EXOC2: variants seen among roughly 807,000 people sequenced by gnomAD.
The protein encoded by EXOC2 is SEC5-like 1.
Under a neutral mutation model 131.8 loss-of-function variants are expected in EXOC2, and 70 were observed. The observed-to-expected ratio is 0.53, with a 90% CI of 0.44 to 0.65. EXOC2 has a LOEUF of 0.65. EXOC2 is among the 30% of genes least tolerant of loss of function. The pLI is 0.00. For missense variants in EXOC2, 923 were observed against 1,108.6 expected (o/e 0.83, Z 2.38); for synonymous variants, 411 against 398.4 (o/e 1.03, Z -0.38).
intron 17 of EXOC2, among the ~76,000 whole-genome samples, chr6:560,430 T>C (rs973216480): frequency 2.0e-5 from 3 of 152,250 alleles, no homozygotes; most frequent in African/African-American, 7.2e-5. Flanking sequence ...TAAGAAATCT[T>C]AGATTTACCG....
At chr6:543,930 G>A (rs1003935118) in intron 22 of EXOC2, among the ~76,000 whole-genome samples, 4 of 152,172 alleles carry the variant, frequency 2.6e-5, no homozygotes, top group Non-Finnish European at 5.9e-5. Flanking sequence ...TAAAGAATCT[G>A]GGAATCATGG....
In EXOC2 at chr6:691,761, T is replaced by C. The variant is rs562520471; in HGVS notation, c.-44+1258A>G. On this transcript the variant is annotated intron_variant, in intron 1 of 27. Coordinates refer to ENST00000230449, the MANE Select transcript of EXOC2 (RefSeq NM_018303.6). ...CAAAATGGCATTCAATACAGGAAATTAAATACTTGACAAGAAAAAAAGATC... is the reference window on the plus strand; with the variant it reads ...CAAAATGGCATTCAATACAGGAAATCAAATACTTGACAAGAAAAAAAGATC... 2.0e-5 allele frequency among the ~76,000 whole-genome samples: 3 copies of C among 152,314 alleles called. No homozygotes were observed. The East Asian group carries it at 5.8e-4, about 29-fold the overall frequency.
intron 4 of EXOC2, among the ~76,000 whole-genome samples, chr6:622,228 T>G (rs1360117413): frequency 6.6e-6 from 1 of 152,190 alleles, no homozygotes; most frequent in Admixed American, 6.5e-5. Context: ...CTTCACTTGG[T>G]CAGAGAGTTA....
intron 1 of EXOC2, among the ~76,000 whole-genome samples, chr6:643,704 A>G (rs1762459678): frequency 6.6e-6 from 1 of 152,108 alleles, no homozygotes; most frequent in Non-Finnish European, 1.5e-5. Context: ...TAGGAAAAAA[A>G]TAAACAGTGG....
At chr6:613,402 T>C (rs1047007590) in intron 6 of EXOC2, among the ~76,000 whole-genome samples, 1 of 151,480 alleles carries the variant, frequency 6.6e-6, no homozygotes, top group African/African-American at 2.4e-5. Flanking sequence ...GGGTATGAAA[T>C]AGTCCACTGG....
intron 22 of EXOC2, among the ~76,000 whole-genome samples, chr6:540,121 A>AT (rs1241940454): frequency 6.6e-6 from 1 of 152,116 alleles, no homozygotes; most frequent in African/African-American, 2.4e-5. Context: ...TGCCCAGCTA[A>AT]TTTTTTTATT....
intron 1 of EXOC2, among the ~76,000 whole-genome samples, chr6:688,095 G>A (rs1235838448): frequency 6.6e-6 from 1 of 152,206 alleles, no homozygotes; most frequent in Non-Finnish European, 1.5e-5. Context: ...GTTTTTGGCA[G>A]GAAGCCCCTG....
chr6:610,641 G>GA (rs1453213768), intron 6 of EXOC2, among the ~76,000 whole-genome samples: 8 of 152,160 alleles, frequency 5.3e-5, no homozygotes, highest in Admixed American at 5.2e-4. Context: ...TTAAAAATCT[G>GA]AAAAAATCTG....
At chr6:612,774 C>T (rs1426435709) in intron 6 of EXOC2, among the ~76,000 whole-genome samples, 1 of 151,922 alleles carries the variant, frequency 6.6e-6, no homozygotes, top group Non-Finnish European at 1.5e-5. Context: ...TAAGACAGAG[C>T]GCAGGGAGGA....
At chr6:610,608 C>T (rs966154983) in intron 6 of EXOC2, among the ~76,000 whole-genome samples, 3 of 152,144 alleles carry the variant, frequency 2.0e-5, no homozygotes, top group Non-Finnish European at 4.4e-5. Context: ...GATGTTCAAC[C>T]AGTAACTAGG....
At chr6:528,412 G>T (rs1765874781) in intron 23 of EXOC2, among the ~76,000 whole-genome samples, 1 of 152,154 alleles carries the variant, frequency 6.6e-6, no homozygotes, top group Non-Finnish European at 1.5e-5. Context: ...TTTACACAAG[G>T]TCTCAACTTA....
At position 595,044 on chromosome 6, in the gene EXOC2, T is replaced by C. The variant is rs373915331; in HGVS notation, c.1074-2457A>G. On this transcript the variant is annotated intron_variant, in intron 10 of 27. Transcript: ENST00000230449. Reference sequence around the variant, plus strand: ...AGTTTTTAGTCATATTCTGACATGATCTTCTCACAGCTACCAGGGATAAGA... The same window carrying C: ...AGTTTTTAGTCATATTCTGACATGACCTTCTCACAGCTACCAGGGATAAGA... 8.0e-5 allele frequency among the ~76,000 whole-genome samples: 12 copies of C among 150,666 alleles called. No homozygotes were observed. The South Asian group carries it at 2.1e-3, about 26-fold the overall frequency.
intron 11 of EXOC2, among the ~76,000 whole-genome samples, chr6:585,114 C>T (rs192567806): frequency 2.0e-5 from 3 of 152,296 alleles, no homozygotes; most frequent in Admixed American, 2.0e-4. Context: ...GAACACAAGG[C>T]TGCTTTGAAC....
intron 11 of EXOC2, among the ~76,000 whole-genome samples, chr6:579,326 T>A (rs887176270): frequency 9.9e-5 from 15 of 152,178 alleles, no homozygotes; most frequent in Admixed American, 7.9e-4. Flanking sequence ...TAACAGAAAC[T>A]GTATTACTAT....
intron 7 of EXOC2, among the ~76,000 whole-genome samples, chr6:604,915 CTT>C (rs887705504): frequency 9.5e-4 from 145 of 152,088 alleles, no homozygotes; most frequent in African/African-American, 3.2e-3. Context: ...CTGCACTCAA[CTT>C]TTTGGCTTGC....
rs1226000165 is a variant in EXOC2 at position 582,278 on chromosome 6, C to T, written c.1193-5396G>A. On this transcript the variant is annotated intron_variant, in intron 11 of 27. Coordinates refer to ENST00000230449, the MANE Select transcript of EXOC2 (RefSeq NM_018303.6). The stretch of plus-strand genomic sequence containing the variant: ...AACAGACTCTATACCACAAAAAGGG[C>T]AGAAGAGACCCTTCTTAAGGGAAGC... Among the ~76,000 whole-genome samples, 55 of 151,790 alleles carry T rather than the reference C, an allele frequency of 3.6e-4. 1 individual carries two copies. The highest frequency in any genetic ancestry group is 2.9e-5 in the Non-Finnish European group (2 of 67,978).
intron 22 of EXOC2, among the ~76,000 whole-genome samples, chr6:537,983 C>T (rs564642996): frequency 3.9e-5 from 6 of 152,148 alleles, no homozygotes; most frequent in South Asian, 4.1e-4. Flanking sequence ...GATGCTGGAA[C>T]GTGTGCATAT....
At chr6:642,944 T>C (rs1307766783) in intron 1 of EXOC2, among the ~76,000 whole-genome samples, 4 of 151,870 alleles carry the variant, frequency 2.6e-5, no homozygotes, top group African/African-American at 7.3e-5. Context: ...AAAAAGTTCA[T>C]TGCAAACAAA....
In EXOC2 at chr6:619,418, A is replaced by G; in HGVS notation, c.536+12T>C. ...GAAACCCTTCACAGTTGACAGTCCC[A>G]TATCCACTAACCTGGTGTTTGAGTG... On this transcript the variant is annotated intron_variant, in intron 5 of 27. Coordinates refer to ENST00000230449, the MANE Select transcript of EXOC2 (RefSeq NM_018303.6). 6.3e-7 allele frequency: 1 copy of G among 1,597,752 alleles called. No homozygotes were observed. Among genetic ancestry groups the G allele is most frequent in the Non-Finnish European group, 8.6e-7 (1 of 1,165,296 alleles).
Sources: allele counts gnomAD v4.1 joint callset (sites outside exome capture counted in the v4.1 genomes callset), GRCh38; gene constraint gnomAD v4.1.1; transcripts MANE v1.5; gene names NCBI Gene and HGNC (gene_info 2026-07-23, HGNC 2026-07-21).